The following SLC9C1 variants were observed in gnomAD, a reference collection of about 807,000 sequenced individuals.
SLC9C1 encodes solute carrier family 9 member C1.
Under a neutral mutation model 140.9 loss-of-function variants are expected in SLC9C1, and 97 were observed. The observed-to-expected ratio is 0.69, with a 90% confidence interval of 0.58 to 0.82. The LOEUF (loss-of-function observed/expected upper bound fraction) is 0.82, where lower values mean the gene tolerates loss of function less well. SLC9C1 is among the 40% of genes least tolerant of loss of function. The pLI is 0.00. For synonymous variants in SLC9C1, 440 were observed against 442.6 expected (o/e 0.99, Z 0.07); for missense variants, 1,340 against 1,389.3 (o/e 0.96, Z 0.56).
At chr3:112,266,861 A>C (rs1271992543) in intron 7 of SLC9C1, among the ~76,000 whole-genome samples, 1 of 152,166 alleles carries the variant, frequency 6.6e-6, no homozygotes, top group Non-Finnish European at 1.5e-5. Flanking sequence ...GTGTTATAAC[A>C]GTTGTATTTT....
intron 16 of SLC9C1, 34 bp downstream of exon 16, chr3:112,208,144 T>A (rs998408112): frequency 6.7e-7 from 1 of 1,483,402 alleles, no homozygotes. Flanking sequence ...GTCAGACATA[T>A]AACACTTCCA....
intron 13 of SLC9C1, among the ~76,000 whole-genome samples, chr3:112,222,973 A>T (rs1279541000): frequency 1.3e-5 from 2 of 152,114 alleles, no homozygotes; most frequent in Admixed American, 1.3e-4. Context: ...TTTTTCCTAC[A>T]AAAGTAGACA....
In SLC9C1 at chr3:112,284,008, G is replaced by A. The variant is rs115150044; in HGVS notation, c.88+2696C>T. ...CTCCGCGACCCCAAGGATTAAACTCGTGACCATTTACAAAAATGGATAATC... is the reference window on the plus strand; with the variant it reads ...CTCCGCGACCCCAAGGATTAAACTCATGACCATTTACAAAAATGGATAATC... On this transcript the variant is annotated intron_variant, in intron 2 of 28. Coordinates refer to ENST00000305815, the MANE Select transcript of SLC9C1 (RefSeq NM_183061.3). Among the ~76,000 whole-genome samples the A allele has an allele frequency of 5.6e-3, 853 of 152,230 alleles. 5 individuals are homozygous for A. The highest frequency in any genetic ancestry group is 0.019 in the African/African-American group (791 of 41,540).
chr3:112,169,417 C>T (rs1254611324), intron 23 of SLC9C1, 89 bp from the exon 24 acceptor site: 1 of 1,221,254 alleles, frequency 8.2e-7, no homozygotes, highest in Non-Finnish European at 1.1e-6. Context: ...ACTATTAAAG[C>T]TAATAATTTA....
intron 11 of SLC9C1, among the ~76,000 whole-genome samples, chr3:112,242,062 C>A (rs1576427760): frequency 1.3e-5 from 2 of 152,000 alleles, no homozygotes; most frequent in African/African-American, 4.8e-5. Context: ...GCTAAGTCCC[C>A]AAAAAAATTG....
At chr3:112,159,273 C>G (rs1260877211) in intron 26 of SLC9C1, among the ~76,000 whole-genome samples, 1 of 151,724 alleles carries the variant, frequency 6.6e-6, no homozygotes, top group Admixed American at 6.6e-5. Flanking sequence ...CATCTAGGTG[C>G]AAGTTTTTTT....
chr3:112,244,055 C>A lies in SLC9C1; in HGVS notation c.1219G>T (p.Val407Leu). 1 of 1,600,320 alleles carries A rather than the reference C, an allele frequency of 6.2e-7. No individual in the cohort carries two copies. Among genetic ancestry groups the A allele is most frequent in the South Asian group, 1.1e-5 (1 of 88,352 alleles). The change falls in exon 11 of 29, where the codon GTA becomes TTA. Residue 407 changes from valine (V) to leucine (L), a missense_variant. By Grantham distance (32) the Val-to-Leu change is conservative (BLOSUM62 1). Transcript: ENST00000305815. The part of the protein sequence containing the change: ...KSQILFHGVL[V>L]CLITLVVNRF... ...TTGACAACAAGGGTTATTAGGCATA[C>A]TAACACTCCATGAAATAATATCTAG...
chr3:112,266,651 T>C (rs2079926805), intron 7 of SLC9C1, among the ~76,000 whole-genome samples: 3 of 152,236 alleles, frequency 2.0e-5, no homozygotes, highest in Admixed American at 6.5e-5. Flanking sequence ...AGGGTTGAAA[T>C]GAAAATCAGC....
At chr3:112,211,901 C>G (rs2078217782) in intron 15 of SLC9C1, among the ~76,000 whole-genome samples, 1 of 152,360 alleles carries the variant, frequency 6.6e-6, no homozygotes, top group Non-Finnish European at 1.5e-5. Context: ...AACGGACAGA[C>G]TGCCTCCTCA....
chr3:112,264,632 T>A (rs1205712436), intron 8 of SLC9C1, among the ~76,000 whole-genome samples: 1 of 151,900 alleles, frequency 6.6e-6, no homozygotes, highest in Non-Finnish European at 1.5e-5. Flanking sequence ...TCGTGAGAAT[T>A]TAGGTACTAG....
intron 10 of SLC9C1, among the ~76,000 whole-genome samples, chr3:112,259,982 T>G (rs1242083724): frequency 6.6e-6 from 1 of 152,146 alleles, no homozygotes; most frequent in Non-Finnish European, 1.5e-5. Flanking sequence ...CTGCATCAAT[T>G]GATATAATTT....
At chr3:112,249,219 G>A (rs1320427221) in intron 10 of SLC9C1, among the ~76,000 whole-genome samples, 1 of 151,724 alleles carries the variant, frequency 6.6e-6, no homozygotes, top group Non-Finnish European at 1.5e-5. Flanking sequence ...CATGATTCCA[G>A]TTTTTAGTTC....
intron 12 of SLC9C1, among the ~76,000 whole-genome samples, chr3:112,237,065 T>C (rs2079007197): frequency 6.6e-6 from 1 of 152,126 alleles, no homozygotes; most frequent in African/African-American, 2.4e-5. Context: ...GACAGTGGGG[T>C]GTTAATTTCT....
At chr3:112,186,117 A>G (rs1576297021) in intron 20 of SLC9C1, 3 of 661,810 alleles carry the variant, frequency 4.5e-6, no homozygotes, top group East Asian at 5.8e-5. Context: ...ACTGATTTGT[A>G]TATTCTGGAT....
chr3:112,146,219 T>C (rs1050792200), intron 28 of SLC9C1, among the ~76,000 whole-genome samples: 2 of 152,064 alleles, frequency 1.3e-5, no homozygotes, highest in Admixed American at 6.5e-5. Context: ...TTTTTTTTAA[T>C]CTAGCTAGTG....
chr3:112,280,881 G>T (rs1576517701), intron 2 of SLC9C1, 98 bp from the exon 3 acceptor site: 1 of 742,128 alleles, frequency 1.3e-6, no homozygotes, highest in Non-Finnish European at 2.1e-6. Flanking sequence ...ATGTCTTACA[G>T]TTTCACTACT....
chr3:112,169,067 T>C lies in SLC9C1; in HGVS notation c.3052-5A>G. The stretch of plus-strand genomic sequence containing the variant: ...TTGCATATTGTAGTTCCAATCCTGT[T>C]TTAGAAAACACAATTTCAGTCTATT... On this transcript the variant is annotated splice_polypyrimidine_tract_variant and splice_region_variant and intron_variant, in intron 24 of 28. Transcript: ENST00000305815. 3 of 1,580,474 alleles carry C rather than the reference T, an allele frequency of 1.9e-6. No homozygotes were observed. Among genetic ancestry groups the C allele is most frequent in the Non-Finnish European group, 2.6e-6 (3 of 1,167,088 alleles).
chr3:112,247,346 AC>A (rs1188580981), intron 10 of SLC9C1, among the ~76,000 whole-genome samples: 1 of 152,162 alleles, frequency 6.6e-6, no homozygotes, highest in African/African-American at 2.4e-5. Context: ...CATCAAAAAA[AC>A]ATCAAGGACT....
In SLC9C1 at chr3:112,274,896, C is replaced by A; in HGVS notation, c.613+1G>T. The A allele has an allele frequency of 1.9e-6, 3 of 1,540,906 alleles. No individual in the cohort carries two copies. The highest frequency in any genetic ancestry group is 1.3e-5 in the South Asian group (1 of 77,860). Reference sequence around the variant, plus strand: ...GAAAAATTTTTTAAAAATATACTTACCTAAGGTATGGTTTCTTTTACTTTG... The same window carrying A: ...GAAAAATTTTTTAAAAATATACTTAACTAAGGTATGGTTTCTTTTACTTTG... On this transcript the variant is annotated splice_donor_variant, in intron 6 of 28. Coordinates refer to ENST00000305815, the MANE Select transcript of SLC9C1 (RefSeq NM_183061.3). LOFTEE classifies it high-confidence loss of function.
Sources: gnomAD v4.1 joint callset for allele counts (sites outside exome capture counted in the v4.1 genomes callset) on GRCh38, gnomAD v4.1.1 for gene constraint, MANE v1.5 for transcripts, NCBI Gene and HGNC (gene_info 2026-07-23, HGNC 2026-07-21) for gene names.